Variants in EVL observed in about 807,000 individuals in gnomAD.
EVL encodes the protein ena/VASP-like protein.
Under a neutral mutation model 59.6 loss-of-function variants are expected in EVL, and 21 were observed. The ratio of observed to expected loss-of-function variants is 0.35; its 90% confidence interval spans 0.25 to 0.51. EVL has a LOEUF of 0.51. Among genes scored for constraint, EVL ranks in the 20% least tolerant of loss-of-function variants. The pLI is 0.97. For missense variants in EVL, 462 were observed against 546.6 expected (o/e 0.85, Z 1.54); for synonymous variants, 198 against 203.5 (o/e 0.97, Z 0.23).
chr14:100,087,091 T>C (rs905581317), intron 2 of EVL, among the ~76,000 whole-genome samples: 5 of 152,266 alleles, frequency 3.3e-5, no homozygotes, highest in African/African-American at 9.6e-5. Flanking sequence ...TGTTTAATGC[T>C]CTTTATGGTT....
chr14:99,987,472 T>C (rs1424624579), intron 1 of EVL, among the ~76,000 whole-genome samples: 1 of 152,032 alleles, frequency 6.6e-6, no homozygotes, highest in Non-Finnish European at 1.5e-5. Flanking sequence ...CAAAACCCTG[T>C]CTCTATTAAA....
chr14:100,021,819 G>A lies in EVL; in HGVS notation c.5+49762G>A, dbSNP rs185130655. 3.7e-3 allele frequency among the ~76,000 whole-genome samples: 558 copies of A among 152,312 alleles called. 4 individuals carry two copies. Among genetic ancestry groups the A allele is most frequent in the South Asian group, 6.0e-3 (29 of 4,828 alleles). ...AGATGGGAAGTTTGAGGCAAAGGCA[G>A]GGTGGAGGTACGGGTAAGAAAAATT... On this transcript the variant is annotated intron_variant, in intron 1 of 13. Transcript: ENST00000402714.
intron 1 of EVL, among the ~76,000 whole-genome samples, chr14:100,018,920 A>G (rs1365274243): frequency 6.6e-6 from 1 of 152,096 alleles, no homozygotes; most frequent in African/African-American, 2.4e-5. Flanking sequence ...GATTATAGCA[A>G]TTTTTGTACT....
chr14:100,025,967 G>C (rs920951599), intron 1 of EVL, among the ~76,000 whole-genome samples: 1 of 151,736 alleles, frequency 6.6e-6, no homozygotes, highest in East Asian at 1.9e-4. Context: ...AAACACAGCT[G>C]TGGTGGGGCA....
At chr14:100,051,335 C>G (rs2061644571) in intron 1 of EVL, among the ~76,000 whole-genome samples, 1 of 152,140 alleles carries the variant, frequency 6.6e-6, no homozygotes, top group African/African-American at 2.4e-5. Context: ...CAGATCTACT[C>G]TTGCTTATGA....
chr14:100,034,371 A>G (rs1218278771), intron 1 of EVL, among the ~76,000 whole-genome samples: 1 of 152,168 alleles, frequency 6.6e-6, no homozygotes, highest in Non-Finnish European at 1.5e-5. Context: ...AGTTTCCCAC[A>G]TATTAAACAT....
In EVL at chr14:100,125,387, A is replaced by G. The variant is rs376805184; in HGVS notation, c.423-1320A>G. 7.2e-4 allele frequency among the ~76,000 whole-genome samples: 109 copies of G among 152,298 alleles called. 1 individual carries two copies. Among genetic ancestry groups the G allele is most frequent in the Non-Finnish European group, 1.1e-3 (77 of 68,028 alleles). ...ACGCAGAGACTCCAAGCATCCAAAC[A>G]GTACCATAGGTTCAGACCTGACTTG... On this transcript the variant is annotated intron_variant, in intron 4 of 13. Transcript: ENST00000392920.
At chr14:100,105,036 A>G (rs1471116445) in intron 3 of EVL, among the ~76,000 whole-genome samples, 2 of 151,290 alleles carry the variant, frequency 1.3e-5, no homozygotes, top group African/African-American at 4.9e-5. Flanking sequence ...TGTGCCGGTC[A>G]TGCCAACATC....
intron 1 of EVL, among the ~76,000 whole-genome samples, chr14:99,996,316 A>G (rs904109608): frequency 2.0e-5 from 3 of 152,132 alleles, no homozygotes; most frequent in African/African-American, 7.2e-5. Flanking sequence ...AGGCCATCTA[A>G]CATTGTTAAT....
chr14:100,115,125 T>C (rs1460412545), intron 3 of EVL, among the ~76,000 whole-genome samples: 1 of 152,174 alleles, frequency 6.6e-6, no homozygotes, highest in Admixed American at 6.5e-5. Flanking sequence ...ATTTGTTCTG[T>C]TTGAGGTTCA....
intron 4 of EVL, among the ~76,000 whole-genome samples, chr14:100,125,284 ACACAC>A (rs1887999280): frequency 6.7e-6 from 1 of 149,194 alleles, no homozygotes; most frequent in African/African-American, 2.5e-5. Flanking sequence ...ACACACACAC[ACACAC>A]ACACGGCAGG....
chr14:99,979,835 C>T (rs766033899), intron 1 of EVL, among the ~76,000 whole-genome samples: 4 of 152,190 alleles, frequency 2.6e-5, no homozygotes, highest in Non-Finnish European at 1.5e-5. Context: ...TGCCACTGCA[C>T]TCCAGCCTGG....
rs150348117 is a variant in EVL, at chr14:100,110,082, G to A, written c.358+12424G>A. ...CTTTTTAAAAAAATTATTTGCAAAG[G>A]TAACTAACAATATCAGCCGTGCACA... On this transcript the variant is annotated intron_variant, in intron 3 of 13. Transcript: ENST00000392920. 9.8e-5 allele frequency among the ~76,000 whole-genome samples: 15 copies of A among 152,326 alleles called. No individual in the cohort carries two copies. In the East Asian group the frequency reaches 2.7e-3, roughly 27 times the overall value.
At chr14:99,983,643 G>A (rs1283897985) in intron 1 of EVL, among the ~76,000 whole-genome samples, 3 of 152,130 alleles carry the variant, frequency 2.0e-5, no homozygotes, top group Non-Finnish European at 4.4e-5. Context: ...GTGGAGCTGT[G>A]TTTATTGCAC....
chr14:100,084,949 C>G, intron 2 of EVL, 94 bp downstream of exon 2: 1 of 1,372,908 alleles, frequency 7.3e-7, no homozygotes, highest in East Asian at 2.3e-5. Context: ...GAGGTCAGAA[C>G]AAAAAGGTCA....
intron 1 of EVL, among the ~76,000 whole-genome samples, chr14:99,992,078 G>A (rs1476826466): frequency 6.6e-6 from 1 of 152,018 alleles, no homozygotes; most frequent in Non-Finnish European, 1.5e-5. Context: ...CACCAACTGT[G>A]CACAGTGGTT....
intron 2 of EVL, among the ~76,000 whole-genome samples, chr14:100,090,928 A>T (rs6575762): frequency 6.6e-6 from 1 of 152,166 alleles, no homozygotes; most frequent in Non-Finnish European, 1.5e-5. Context: ...ACCATCTCGC[A>T]TTGCAGATGA....
chr14:100,065,506 C>A lies in EVL; in HGVS notation c.6C>A (p.Ala2=). The change falls in exon 1 of 14, where the codon GCC becomes GCA. Residue 2 remains alanine, a synonymous_variant. Transcript: ENST00000392920. M[A]TSEQSICQAR... is the part of the protein sequence containing the mutation. The stretch of plus-strand genomic sequence containing the variant: ...TGTGCTGCCACTTTTCAGCCATGGC[C>A]ACAAGGTGAGTATTGGAACCAGTGC... The A allele has an allele frequency of 6.6e-7, 1 of 1,524,264 alleles. No homozygotes were observed. Among genetic ancestry groups the A allele is most frequent in the South Asian group, 1.3e-5 (1 of 79,324 alleles). 94.4% of individuals were successfully genotyped at this position (1,524,264 alleles called of 1,614,324 possible).
chr14:100,022,105 A>G (rs2061135035), intron 1 of EVL, among the ~76,000 whole-genome samples: 1 of 152,056 alleles, frequency 6.6e-6, no homozygotes, highest in African/African-American at 2.4e-5. Context: ...AAATGGGATA[A>G]TATAAACTTT....
Sources: allele counts gnomAD v4.1 joint callset (sites outside exome capture counted in the v4.1 genomes callset), GRCh38; gene constraint gnomAD v4.1.1; transcripts MANE v1.5; gene names NCBI Gene and HGNC (gene_info 2026-07-23, HGNC 2026-07-21).